ZNF644: variants seen among roughly 807,000 people sequenced by gnomAD.
ZNF644 encodes zinc finger motif enhancer binding protein 2.
A neutral mutation model predicts 108.0 loss-of-function variants in ZNF644; 20 were observed. The observed-to-expected ratio is 0.19, with a 90% CI of 0.13 to 0.27. The LOEUF is 0.27. Ranked by LOEUF, ZNF644 falls within the 10% of genes least tolerant of loss-of-function variation. ZNF644 has a pLI of 1.00. For missense variants in ZNF644, 1,338 were observed against 1,548.9 expected, an observed-to-expected ratio of 0.86 and a Z score of 2.29; for synonymous variants, 542 against 539.1, an observed-to-expected ratio of 1.01 and a Z score of -0.08.
chr1:90,968,948 T>C (rs1655195640), intron 2 of ZNF644, among the ~76,000 whole-genome samples: 1 of 152,192 alleles, frequency 6.6e-6, no homozygotes, highest in Non-Finnish European at 1.5e-5. Flanking sequence ...ATTCTAAAAG[T>C]ATGGTTAAAT....
intron 1 of ZNF644, among the ~76,000 whole-genome samples, chr1:90,994,015 C>T (rs1042264647): frequency 3.9e-5 from 6 of 152,190 alleles, no homozygotes; most frequent in African/African-American, 1.4e-4. Flanking sequence ...ACAAGTGACT[C>T]TCAGGCTGAT....
Position 90,937,637 on chromosome 1 carries a change from CTTTTAT to C in ZNF644, c.3530_3535del (p.Asn1177_Lys1178del), listed in dbSNP as rs752330039. The C allele has an allele frequency of 1.2e-5, 20 of 1,613,844 alleles. No homozygotes were observed. Among genetic ancestry groups the C allele is most frequent in the Non-Finnish European group, 1.6e-5 (19 of 1,179,850 alleles). On this transcript the variant is annotated inframe_deletion, in exon 4 of 6. Transcript: ENST00000337393. ...AGCAGAATTCCTTTCTTCTCCCATC[CTTTTAT>C]TTTTAAGAAGTTCTATGAGTGTAAG...
At chr1:90,945,402 T>C (rs1057151262) in intron 2 of ZNF644, among the ~76,000 whole-genome samples, 2 of 152,122 alleles carry the variant, frequency 1.3e-5, no homozygotes, top group Non-Finnish European at 2.9e-5. Context: ...TAATGAGTTC[T>C]ACAGCTATAA....
At chr1:90,948,987 T>C (rs184330966) in intron 2 of ZNF644, among the ~76,000 whole-genome samples, 1 of 152,206 alleles carries the variant, frequency 6.6e-6, no homozygotes. Flanking sequence ...ATTTAGAAAA[T>C]ATAAAATTAA....
chr1:91,008,107 G>A (rs1659618595), intron 1 of ZNF644, among the ~76,000 whole-genome samples: 1 of 152,122 alleles, frequency 6.6e-6, no homozygotes, highest in African/African-American at 2.4e-5. Flanking sequence ...AAAGAGACTG[G>A]GAATAACTCT....
chr1:90,974,052 T>C (rs1655761345), intron 2 of ZNF644, among the ~76,000 whole-genome samples: 1 of 152,182 alleles, frequency 6.6e-6, no homozygotes, highest in African/African-American at 2.4e-5. Flanking sequence ...CGTATAGATG[T>C]GTCACACAGA....
chr1:90,981,641 A>G (rs1656563600), intron 2 of ZNF644, among the ~76,000 whole-genome samples: 1 of 152,068 alleles, frequency 6.6e-6, no homozygotes, highest in African/African-American at 2.4e-5. Flanking sequence ...TATCTTTTTA[A>G]AACATGTCAA....
chr1:90,995,407 T>C (rs1308312940), intron 1 of ZNF644, among the ~76,000 whole-genome samples: 1 of 152,100 alleles, frequency 6.6e-6, no homozygotes, highest in African/African-American at 2.4e-5. Flanking sequence ...AGGACACTAT[T>C]AGGCAGTCCA....
At chr1:91,008,057 C>T (rs964874321) in intron 1 of ZNF644, among the ~76,000 whole-genome samples, 5 of 152,196 alleles carry the variant, frequency 3.3e-5, no homozygotes, top group Admixed American at 1.3e-4. Context: ...CTAGATGGGG[C>T]AAGAACTTGT....
At chr1:90,941,395 ATTAGT>A (rs1214351050) in intron 2 of ZNF644, 86 bp from the exon 3 acceptor site, 1 of 1,205,746 alleles carries the variant, frequency 8.3e-7, no homozygotes, top group Non-Finnish European at 1.1e-6. Context: ...ACATATTTTT[ATTAGT>A]TTAATTTTCT....
At position 90,992,961 on chromosome 1, in the gene ZNF644, A is replaced by G. The variant is rs523424; in HGVS notation, c.-17-10591T>C. On this transcript the variant is annotated intron_variant, in intron 1 of 5. Transcript: ENST00000337393. The stretch of plus-strand genomic sequence containing the variant: ...CAAGAGGCCAAGGCAGGAGGATTGC[A>G]TGAGCCCAGGAGTTTGAGGTTACAG... 1.5e-3 allele frequency among the ~76,000 whole-genome samples: 234 copies of G among 152,200 alleles called. 4 individuals are homozygous for G. Among genetic ancestry groups the G allele is most frequent in the Middle Eastern group, 0.01 (3 of 294 alleles).
chr1:90,985,748 T>C (rs1395116780), intron 1 of ZNF644, among the ~76,000 whole-genome samples: 2 of 152,212 alleles, frequency 1.3e-5, no homozygotes, highest in African/African-American at 2.4e-5. Context: ...TTGTGAATAA[T>C]GCTGTAGTGA....
intron 1 of ZNF644, among the ~76,000 whole-genome samples, chr1:91,017,711 C>T (rs1660549804): frequency 1.3e-5 from 2 of 152,160 alleles, no homozygotes; most frequent in South Asian, 2.1e-4. Flanking sequence ...CCTGTAATCC[C>T]AGCACTTTGG....
chr1:90,930,378 A>T (rs951103946), intron 4 of ZNF644, among the ~76,000 whole-genome samples: 1 of 152,238 alleles, frequency 6.6e-6, no homozygotes, highest in Non-Finnish European at 1.5e-5. Flanking sequence ...TTAAATGAGT[A>T]ACTAGAAATT....
intron 2 of ZNF644, among the ~76,000 whole-genome samples, chr1:90,942,158 A>G (rs1652057829): frequency 6.6e-6 from 1 of 152,190 alleles, no homozygotes; most frequent in African/African-American, 2.4e-5. Flanking sequence ...TATCCCACTT[A>G]TGATCTGGTG....
intron 4 of ZNF644, among the ~76,000 whole-genome samples, chr1:90,922,909 GC>G (rs1191405297): frequency 6.6e-6 from 1 of 151,958 alleles, no homozygotes; most frequent in Non-Finnish European, 1.5e-5. Context: ...AGGTTCATAA[GC>G]CCCAAGCATA....
intron 2 of ZNF644, among the ~76,000 whole-genome samples, chr1:90,945,141 T>C (rs1652385482): frequency 6.6e-6 from 1 of 152,128 alleles, no homozygotes; most frequent in Non-Finnish European, 1.5e-5. Flanking sequence ...GTGGGCATTA[T>C]TCATTAAGTT....
chr1:90,983,753 C>A (rs150508366), intron 1 of ZNF644, among the ~76,000 whole-genome samples: 3 of 152,106 alleles, frequency 2.0e-5, no homozygotes, highest in Non-Finnish European at 4.4e-5. Flanking sequence ...ATGGTGAAAC[C>A]CCGTCTCTAC....
rs529368544 is a variant in ZNF644, at chr1:90,999,346, G to A, written c.-17-16976C>T. Among the ~76,000 whole-genome samples the A allele has an allele frequency of 5.3e-5, 8 of 152,240 alleles. No individual in the cohort carries two copies. The East Asian group carries it at 5.8e-4, about 11-fold the overall frequency. ...CCAACAGACTAACAGTGGATCTCTC[G>A]GCAGAAACTCTACAAGCCAGAAGAG... On this transcript the variant is annotated intron_variant, in intron 1 of 5. Coordinates refer to ENST00000337393, the MANE Select transcript of ZNF644 (RefSeq NM_201269.3).
Sources: gnomAD v4.1 joint callset for allele counts (sites outside exome capture counted in the v4.1 genomes callset) on GRCh38, gnomAD v4.1.1 for gene constraint, MANE v1.5 for transcripts, NCBI Gene and HGNC (gene_info 2026-07-23, HGNC 2026-07-21) for gene names.